The following DOCK10 variants were observed in gnomAD, a reference collection of about 807,000 sequenced individuals.
DOCK10 encodes the protein dedicator of cytokinesis protein 10.
Under a neutral mutation model 280.1 loss-of-function variants are expected in DOCK10, and 145 were observed. The ratio of observed to expected loss-of-function variants is 0.52; its 90% CI spans 0.45 to 0.59. The LOEUF (loss-of-function observed/expected upper bound fraction) is 0.59. DOCK10 is among the 20% of genes least tolerant of loss of function. The pLI is 0.00. For missense variants in DOCK10, 2,368 were observed against 2,651.7 expected (o/e 0.89, Z 2.35); for synonymous variants, 915 against 942.2 (o/e 0.97, Z 0.53).
At chr2:224,910,131 C>G (rs866443086) in intron 3 of DOCK10, among the ~76,000 whole-genome samples, 1 of 152,194 alleles carries the variant, frequency 6.6e-6, no homozygotes, top group African/African-American at 2.4e-5. Flanking sequence ...CCACAGTGAG[C>G]CGCAGGGCAA....
intron 7 of DOCK10, among the ~76,000 whole-genome samples, chr2:224,878,928 G>T (rs1286149575): frequency 6.6e-6 from 1 of 152,214 alleles, no homozygotes; most frequent in African/African-American, 2.4e-5. Flanking sequence ...TTCATACTTT[G>T]TGTTGGACAA....
intron 1 of DOCK10, among the ~76,000 whole-genome samples, chr2:224,943,279 G>T (rs1288817545): frequency 6.6e-6 from 1 of 152,012 alleles, no homozygotes; most frequent in Non-Finnish European, 1.5e-5. Context: ...TTGAAAATTA[G>T]ATTAATAAGG....
intron 33 of DOCK10, 34 bp from the exon 34 acceptor site, chr2:224,806,271 T>C (rs1693386069): frequency 2.4e-6 from 3 of 1,260,942 alleles, no homozygotes; most frequent in African/African-American, 3.2e-5. Flanking sequence ...TTAATGGGAA[T>C]CATGGCATTT....
intron 31 of DOCK10, 110 bp from the exon 32 acceptor site, chr2:224,808,196 A>G: frequency 2.1e-6 from 2 of 952,914 alleles, no homozygotes; most frequent in Non-Finnish European, 3.1e-6. Flanking sequence ...ACTAGGAGGG[A>G]TTCAGGAATA....
rs1703074557 is a variant in DOCK10 at position 224,941,519 on chromosome 2, CAA to C, written c.124-9853_124-9852del. On this transcript the variant is annotated intron_variant, in intron 1 of 55. Transcript: ENST00000258390. The stretch of plus-strand genomic sequence containing the variant: ...AAGGTCACCAGGCACCTCAGGGGAA[CAA>C]AGTGGTAGCGAAAGAGGACCAGGCC... Among the ~76,000 whole-genome samples, 3 of 152,114 alleles carry C rather than the reference CAA, an allele frequency of 2.0e-5. No individual in the cohort carries two copies. In the South Asian group the frequency reaches 6.2e-4, roughly 32 times the overall value.
intron 15 of DOCK10, 150 bp downstream of exon 15, chr2:224,856,710 G>C (rs1697169703): frequency 1.7e-6 from 1 of 601,056 alleles, no homozygotes; most frequent in Non-Finnish European, 2.7e-6. Flanking sequence ...TACTTTTGTG[G>C]TGCTATTTGG....
chr2:224,850,758 T>TA (rs1696677668), intron 18 of DOCK10, among the ~76,000 whole-genome samples: 1 of 152,194 alleles, frequency 6.6e-6, no homozygotes, highest in Non-Finnish European at 1.5e-5. Flanking sequence ...CTGATAGTTT[T>TA]ATAAATGGCA....
chr2:225,023,109 C>G (rs544887299), intron 1 of DOCK10, among the ~76,000 whole-genome samples: 4 of 152,120 alleles, frequency 2.6e-5, no homozygotes, highest in Non-Finnish European at 4.4e-5. Flanking sequence ...TATCTTGGCT[C>G]ACCGCAACCT....
At chr2:224,973,875 G>A (rs1705239670) in intron 1 of DOCK10, among the ~76,000 whole-genome samples, 1 of 152,164 alleles carries the variant, frequency 6.6e-6, no homozygotes, top group African/African-American at 2.4e-5. Context: ...CCATGGCAAT[G>A]CAATGTAAAT....
At position 224,823,552 on chromosome 2, in the gene DOCK10, A is replaced by T. The variant is rs1029455497; in HGVS notation, c.3132T>A (p.Asp1044Glu). 3 of 1,609,864 alleles carry T rather than the reference A, an allele frequency of 1.9e-6. No homozygotes were observed. Among genetic ancestry groups the T allele is most frequent in the South Asian group, 1.1e-5 (1 of 89,822 alleles). Residue 1044 changes from aspartate (D) to glutamate (E), a missense_variant, in exon 28 of 56, where the codon GAT becomes GAA. Around this residue, in one of 2 missense-constraint regions of DOCK10, gnomAD observed 1,159 missense variants for 1,400.8 expected, o/e 0.83. Coordinates refer to ENST00000258390, the MANE Select transcript of DOCK10 (RefSeq NM_014689.3). ...LSDHVIWKYK[D>E]ALEETRRANH... ...TTGCCCTTCTTGTTTCTTCAAGTGC[A>T]TCCTTGTATTTCCAAATCACATGGT...
Position 224,867,735 on chromosome 2 carries a change from G to A in DOCK10, c.1258-2648C>T, listed in dbSNP as rs76590150. 9.6e-3 allele frequency among the ~76,000 whole-genome samples: 1,468 copies of A among 152,278 alleles called. 15 individuals carry two copies. The highest frequency in any genetic ancestry group is 0.033 in the African/African-American group (1,377 of 41,540). Reference sequence around the variant, plus strand: ...GGAAAATGAAAAATTGGTAGGAAGCGTTTGTGGGAGAGGCATTTGAGAAAC... The same window carrying A: ...GGAAAATGAAAAATTGGTAGGAAGCATTTGTGGGAGAGGCATTTGAGAAAC... On this transcript the variant is annotated intron_variant, in intron 11 of 55. Transcript: ENST00000258390.
At position 224,805,460 on chromosome 2, in the gene DOCK10, G is replaced by C; in HGVS notation, c.3884C>G (p.Ser1295Cys). ...GCTCTTCTCATTGGTACTTGGATTGGAGTCAAGACTTGCTAAAGATGCTCT... is the reference window on the plus strand; with the variant it reads ...GCTCTTCTCATTGGTACTTGGATTGCAGTCAAGACTTGCTAAAGATGCTCT... Reference protein sequence around the residue: ...DSRASLASLDSNPSTNEKSSE... With the variant: ...DSRASLASLDCNPSTNEKSSE... Residue 1295 changes from serine (S) to cysteine (C), a missense_variant, in exon 35 of 56, where the codon TCC becomes TGC. Transcript: ENST00000258390. The surrounding 1 kb of genome is among the most constrained non-coding windows in gnomAD (Gnocchi z 4.3). 6.2e-7 allele frequency: 1 copy of C among 1,612,774 alleles called. No homozygotes were observed. Among genetic ancestry groups the C allele is most frequent in the Non-Finnish European group, 8.5e-7 (1 of 1,179,168 alleles).
At chr2:224,857,092 G>C in intron 14 of DOCK10, 110 bp from the exon 15 acceptor site, 1 of 932,352 alleles carries the variant, frequency 1.1e-6, no homozygotes, top group African/African-American at 1.7e-5. Context: ...GAAACTCTAA[G>C]AACTTATAAA....
At chr2:224,891,481 G>A (rs937172722) in intron 4 of DOCK10, among the ~76,000 whole-genome samples, 11 of 152,128 alleles carry the variant, frequency 7.2e-5, no homozygotes, top group Non-Finnish European at 1.2e-4. Context: ...GATTGGAAAC[G>A]TTTTTAGGAA....
chr2:224,873,886 C>CTAGA, intron 11 of DOCK10, 110 bp downstream of exon 11: 1 of 1,151,768 alleles, frequency 8.7e-7, no homozygotes, highest in South Asian at 1.7e-5. Context: ...CCCTGGTACA[C>CTAGA]TAGAGAGTGA....
intron 1 of DOCK10, among the ~76,000 whole-genome samples, chr2:224,994,121 T>C (rs1361497545): frequency 6.6e-6 from 1 of 152,204 alleles, no homozygotes; most frequent in Non-Finnish European, 1.5e-5. Flanking sequence ...ATATAAGATT[T>C]TTTAAAAGAG....
intron 1 of DOCK10, among the ~76,000 whole-genome samples, chr2:224,969,394 C>T (rs970329089): frequency 2.0e-5 from 3 of 152,118 alleles, no homozygotes; most frequent in Admixed American, 6.5e-5. Context: ...AAGGTCCTTA[C>T]GGTTTTGTGA....
chr2:224,952,749 C>T (rs1219622746), intron 1 of DOCK10, among the ~76,000 whole-genome samples: 1 of 151,592 alleles, frequency 6.6e-6, no homozygotes, highest in Non-Finnish European at 1.5e-5. Flanking sequence ...CCCGCCACTA[C>T]GCCCGGCTAA....
chr2:224,838,474 G>A (rs1451551228), intron 24 of DOCK10, among the ~76,000 whole-genome samples: 3 of 152,156 alleles, frequency 2.0e-5, no homozygotes, highest in Non-Finnish European at 4.4e-5. Flanking sequence ...GCAATATCTA[G>A]GAGTCTTGCC....
Sources: gnomAD v4.1 joint callset for allele counts (sites outside exome capture counted in the v4.1 genomes callset) on GRCh38, gnomAD v4.1.1 for gene constraint, gnomAD v4.1.1 regional missense constraint, Gnocchi (gnomAD v3.1) non-coding constraint, MANE v1.5 for transcripts, NCBI Gene and HGNC (gene_info 2026-07-23, HGNC 2026-07-21) for gene names.